The following WWOX variants were observed in gnomAD, a reference collection of about 807,000 sequenced individuals.
WWOX encodes the protein WW domain containing oxidoreductase.
WWOX carries 69 observed loss-of-function variants against 46.2 expected under a neutral mutation model. That is an observed-to-expected ratio of 1.49 (90% CI 1.23 to 1.82). The LOEUF (loss-of-function observed/expected upper bound fraction) is 1.82, where lower values mean the gene tolerates loss of function less well. Among genes scored for constraint, WWOX ranks in the 40% most tolerant of loss-of-function variants. The pLI, the probability that WWOX is intolerant of heterozygous loss-of-function variation, is 0.00. For synonymous variants in WWOX, 359 were observed against 202.6 expected (o/e 1.77, Z -6.56); for missense variants, 919 against 542.6 (o/e 1.69, Z -6.89).
Position 78,108,491 on chromosome 16 carries a change from TG to T in WWOX, c.172+5del. The T allele has an allele frequency of 6.2e-7, 1 of 1,613,672 alleles. No homozygotes were observed. Among genetic ancestry groups the T allele is most frequent in the Non-Finnish European group, 8.5e-7 (1 of 1,179,806 alleles). The stretch of plus-strand genomic sequence containing the variant: ...AAAAGAAAACGAGTGGCAGGAGGTT[TG>T]TATGTTGTTGTCTAAGGATCTTGGA... On this transcript the variant is annotated splice_donor_5th_base_variant and intron_variant, in intron 2 of 8. Coordinates refer to ENST00000566780, the MANE Select transcript of WWOX (RefSeq NM_016373.4).
chr16:78,387,167 A>G (rs1398175338), intron 6 of WWOX, among the ~76,000 whole-genome samples: 1 of 152,204 alleles, frequency 6.6e-6, no homozygotes, highest in Non-Finnish European at 1.5e-5. Flanking sequence ...CTTCCCACAT[A>G]CCAAAAGAGA....
At chr16:78,361,313 G>A (rs530818380) in intron 5 of WWOX, among the ~76,000 whole-genome samples, 2 of 152,132 alleles carry the variant, frequency 1.3e-5, no homozygotes, top group East Asian at 3.9e-4. Context: ...TCTCATCCCT[G>A]GTAATGTTAA....
intron 7 of WWOX, among the ~76,000 whole-genome samples, chr16:78,430,179 T>A (rs1210105021): frequency 6.6e-6 from 1 of 152,078 alleles, no homozygotes; most frequent in Non-Finnish European, 1.5e-5. Flanking sequence ...GCAGGGGAAT[T>A]CTCATTTATA....
chr16:79,119,523 A>G (rs1333104350), intron 8 of WWOX, among the ~76,000 whole-genome samples: 3 of 152,198 alleles, frequency 2.0e-5, no homozygotes, highest in African/African-American at 7.2e-5. Flanking sequence ...CAAATGAGTG[A>G]CGTTCATATG....
chr16:78,853,546 C>A (rs540886025), intron 8 of WWOX, among the ~76,000 whole-genome samples: 1 of 152,196 alleles, frequency 6.6e-6, no homozygotes, highest in Non-Finnish European at 1.5e-5. Flanking sequence ...TCACTGCTCT[C>A]CATTACTCAT....
At chr16:78,787,850 G>A (rs188468453) in intron 8 of WWOX, among the ~76,000 whole-genome samples, 5 of 152,050 alleles carry the variant, frequency 3.3e-5, no homozygotes, top group Admixed American at 2.0e-4. Flanking sequence ...TTCTTTGAAG[G>A]TATGAAATTG....
intron 8 of WWOX, among the ~76,000 whole-genome samples, chr16:78,743,681 G>A (rs985250729): frequency 2.0e-5 from 3 of 152,106 alleles, no homozygotes; most frequent in Non-Finnish European, 2.9e-5. Flanking sequence ...TGCTTTCCAC[G>A]ACCATTCAGC....
At chr16:78,360,559 C>T (rs1359749385) in intron 5 of WWOX, among the ~76,000 whole-genome samples, 1 of 130,538 alleles carries the variant, frequency 7.7e-6, no homozygotes, top group Non-Finnish European at 1.5e-5. Context: ...GCACTCCAGT[C>T]TGGGCGACAG....
At chr16:78,929,345 C>T (rs929137100) in intron 8 of WWOX, among the ~76,000 whole-genome samples, 2 of 151,812 alleles carry the variant, frequency 1.3e-5, no homozygotes, top group Non-Finnish European at 1.5e-5. Flanking sequence ...TTTTCAGTTT[C>T]TATATAGTGC....
chr16:79,211,578 T>G (rs767687813), intron 8 of WWOX, 30 bp from the exon 9 acceptor site: 16 of 1,613,568 alleles, frequency 9.9e-6, no homozygotes, highest in Non-Finnish European at 1.4e-5. Context: ...TTCTTAAAAT[T>G]TTTTTTTGTC....
chr16:79,121,098 C>G (rs377762619), intron 8 of WWOX, among the ~76,000 whole-genome samples: 8 of 152,164 alleles, frequency 5.3e-5, no homozygotes, highest in South Asian at 2.1e-4. Flanking sequence ...GGATACTTGT[C>G]TTTAAATGTA....
At chr16:78,981,520 C>G (rs573940509) in intron 8 of WWOX, among the ~76,000 whole-genome samples, 2 of 151,950 alleles carry the variant, frequency 1.3e-5, no homozygotes, top group Admixed American at 6.5e-5. Context: ...TCACTGCAAC[C>G]TCCACTTTCC....
intron 8 of WWOX, among the ~76,000 whole-genome samples, chr16:78,794,005 G>C (rs1040920650): frequency 6.6e-6 from 1 of 152,156 alleles, no homozygotes; most frequent in African/African-American, 2.4e-5. Flanking sequence ...AGTAACACAG[G>C]CTTTGGGTTA....
chr16:78,542,192 A>T (rs540545849), intron 8 of WWOX, among the ~76,000 whole-genome samples: 41 of 152,188 alleles, frequency 2.7e-4, no homozygotes, highest in African/African-American at 9.6e-4. Context: ...ATTGTTCATC[A>T]GGTGTATCTC....
intron 8 of WWOX, among the ~76,000 whole-genome samples, chr16:79,065,376 A>C (rs879829822): frequency 3.3e-5 from 5 of 152,168 alleles, no homozygotes; most frequent in African/African-American, 7.2e-5. Context: ...CTTCCAGGAT[A>C]GTTTAGCAGG....
At chr16:78,936,796 T>G (rs1163438088) in intron 8 of WWOX, among the ~76,000 whole-genome samples, 1 of 152,170 alleles carries the variant, frequency 6.6e-6, no homozygotes, top group Admixed American at 6.5e-5. Context: ...GTTTGAAGTA[T>G]GTCTAGAGTA....
At chr16:78,498,687 C>A (rs2084979096) in intron 8 of WWOX, among the ~76,000 whole-genome samples, 1 of 152,186 alleles carries the variant, frequency 6.6e-6, no homozygotes. Flanking sequence ...GCCGATTCCC[C>A]ATTCTCTCTT....
At chr16:78,261,075 A>T (rs183247011) in intron 5 of WWOX, among the ~76,000 whole-genome samples, 1 of 151,294 alleles carries the variant, frequency 6.6e-6, no homozygotes, top group Non-Finnish European at 1.5e-5. Context: ...GAAATTATTG[A>T]TATTCGAAGT....
chr16:78,920,433 C>T (rs957213953), intron 8 of WWOX, among the ~76,000 whole-genome samples: 1 of 152,160 alleles, frequency 6.6e-6, no homozygotes, highest in Non-Finnish European at 1.5e-5. Context: ...AAGGTCCCAG[C>T]CACCTATGGT....
Sources: gnomAD v4.1 joint callset for allele counts (sites outside exome capture counted in the v4.1 genomes callset) on GRCh38, gnomAD v4.1.1 for gene constraint, MANE v1.5 for transcripts, NCBI Gene and HGNC (gene_info 2026-07-23, HGNC 2026-07-21) for gene names.